SYT9: variants seen among roughly 807,000 people sequenced by gnomAD.
The protein encoded by SYT9 is synaptotagmin 9, also known as synaptotagmin-9.
Under a neutral mutation model 48.4 loss-of-function variants are expected in SYT9, and 22 were observed. The ratio of observed to expected loss-of-function variants is 0.45; its 90% CI spans 0.32 to 0.65. The LOEUF is 0.65. Among genes scored for constraint, SYT9 ranks in the 30% least tolerant of loss-of-function variants. The probability of loss-of-function intolerance (pLI) is 0.03; values close to 1 mark genes in which losing one functional copy is unlikely to be tolerated. For synonymous variants in SYT9, 265 were observed against 245.0 expected, an observed-to-expected ratio of 1.08 and a Z score of -0.76; for missense variants, 577 against 622.0, an observed-to-expected ratio of 0.93 and a Z score of 0.77.
At chr11:7,421,038 C>A (rs1228049609) in intron 6 of SYT9, among the ~76,000 whole-genome samples, 1 of 152,116 alleles carries the variant, frequency 6.6e-6, no homozygotes, top group Non-Finnish European at 1.5e-5. Context: ...CTGGCACCAA[C>A]CTGTGATTCT....
chr11:7,277,709 A>G (rs1376840536), intron 1 of SYT9, among the ~76,000 whole-genome samples: 2 of 152,196 alleles, frequency 1.3e-5, no homozygotes, highest in Non-Finnish European at 2.9e-5. Flanking sequence ...CTCAGCATGC[A>G]TGTAGGATCT....
chr11:7,277,011 G>A (rs1848409329), intron 1 of SYT9, among the ~76,000 whole-genome samples: 1 of 151,994 alleles, frequency 6.6e-6, no homozygotes, highest in African/African-American at 2.4e-5. Flanking sequence ...CCGAGATCGC[G>A]CCACTGCACT....
At chr11:7,423,621 G>A (rs781240985) in intron 6 of SYT9, among the ~76,000 whole-genome samples, 15 of 152,180 alleles carry the variant, frequency 9.9e-5, no homozygotes, top group Non-Finnish European at 1.8e-4. Context: ...TTCAGTTATA[G>A]TTGTTATTAT....
At chr11:7,271,729 A>G (rs369533642) in intron 1 of SYT9, among the ~76,000 whole-genome samples, 28 of 152,168 alleles carry the variant, frequency 1.8e-4, no homozygotes, top group African/African-American at 6.5e-4. Flanking sequence ...GGCACGTGCC[A>G]CCATACCTGA....
At chr11:7,349,856 C>T (rs1014386916) in intron 3 of SYT9, among the ~76,000 whole-genome samples, 3 of 152,184 alleles carry the variant, frequency 2.0e-5, no homozygotes, top group African/African-American at 7.2e-5. Context: ...ACTCAGTTTT[C>T]CCGATTATAC....
intron 6 of SYT9, chr11:7,461,283 G>C (rs571781642): frequency 6.6e-6 from 1 of 152,166 alleles, no homozygotes; most frequent in Admixed American, 6.5e-5. Context: ...CTTTTATTCT[G>C]TGTTCCTTCT....
At chr11:7,354,471 A>G (rs1386645725) in intron 3 of SYT9, among the ~76,000 whole-genome samples, 1 of 152,136 alleles carries the variant, frequency 6.6e-6, no homozygotes, top group Non-Finnish European at 1.5e-5. Context: ...TTGCCTCACA[A>G]ACAGGCCTGA....
intron 3 of SYT9, among the ~76,000 whole-genome samples, chr11:7,365,831 G>A (rs1850230120): frequency 6.6e-6 from 1 of 152,212 alleles, no homozygotes; most frequent in South Asian, 2.1e-4. Context: ...CGTATTTACT[G>A]TTGAAATGTA....
At position 7,252,462 on chromosome 11, in the gene SYT9, T is replaced by C; in HGVS notation, c.145+131T>C. ...GGGGGCGGCCACCGAGCCAGGAGAG[T>C]GATCAAGAACCAGCGCACTGTGGCC... is the stretch of plus-strand genomic sequence containing the variant. On this transcript the variant is annotated intron_variant, in intron 1 of 6. Coordinates refer to ENST00000318881, the MANE Select transcript of SYT9 (RefSeq NM_175733.4). This position sits in a 1 kb window ranked among gnomAD's most constrained non-coding sequence, Gnocchi z 6.3. 1 of 1,039,552 alleles carries C rather than the reference T, an allele frequency of 9.6e-7. No individual in the cohort carries two copies. Among genetic ancestry groups the C allele is most frequent in the South Asian group, 2.6e-5 (1 of 38,070 alleles). The allele number at this position is 1,039,552 out of a possible 1,614,324, so 64.4% of individuals were successfully genotyped here. A position where few individuals can be genotyped will look rare whatever the true frequency, so the allele number is the denominator to read the frequency against.
At chr11:7,463,133 C>G (rs1024332321) in intron 6 of SYT9, among the ~76,000 whole-genome samples, 10 of 152,206 alleles carry the variant, frequency 6.6e-5, no homozygotes, top group African/African-American at 2.4e-4. Context: ...ACCCCTGGTA[C>G]TGCCTGGGAG....
chr11:7,386,473 A>C (rs1180380253), intron 3 of SYT9, among the ~76,000 whole-genome samples: 1 of 152,054 alleles, frequency 6.6e-6, no homozygotes, highest in Non-Finnish European at 1.5e-5. Flanking sequence ...CAACCCCATC[A>C]AAAAGTGGGT....
At chr11:7,358,772 C>G (rs1850070604) in intron 3 of SYT9, among the ~76,000 whole-genome samples, 1 of 152,132 alleles carries the variant, frequency 6.6e-6, no homozygotes, top group African/African-American at 2.4e-5. Context: ...TCCTTGAATG[C>G]TGGTAATAAA....
At chr11:7,267,010 C>T (rs1437943709) in intron 1 of SYT9, among the ~76,000 whole-genome samples, 2 of 152,018 alleles carry the variant, frequency 1.3e-5, no homozygotes, top group Non-Finnish European at 2.9e-5. Flanking sequence ...TCCAAAACCT[C>T]ATGCTAATTA....
chr11:7,259,386 A>AT (rs957891008), intron 1 of SYT9, among the ~76,000 whole-genome samples: 5 of 150,888 alleles, frequency 3.3e-5, no homozygotes, highest in African/African-American at 4.9e-5. Context: ...CTAGCTTGTA[A>AT]TTTTTTTTTA....
intron 1 of SYT9, among the ~76,000 whole-genome samples, chr11:7,268,731 CTT>C (rs930280675): frequency 2.0e-5 from 3 of 151,936 alleles, no homozygotes; most frequent in Admixed American, 2.0e-4. Context: ...AAAAATATAA[CTT>C]TATCGAGACG....
chr11:7,319,354 T>C (rs956174764), intron 3 of SYT9, among the ~76,000 whole-genome samples: 1 of 151,968 alleles, frequency 6.6e-6, no homozygotes, highest in Non-Finnish European at 1.5e-5. Flanking sequence ...GGAATAACAA[T>C]TTGGGAGCAC....
intron 6 of SYT9, chr11:7,437,671 A>T (rs1253356122): frequency 1.3e-5 from 2 of 152,122 alleles, no homozygotes; most frequent in African/African-American, 4.8e-5. Context: ...TTGTCATCAC[A>T]TATTTTCACC....
upstream of SYT9, among the ~76,000 whole-genome samples, chr11:7,251,373 A>C (rs1847865305): frequency 6.6e-6 from 1 of 152,088 alleles, no homozygotes; most frequent in Non-Finnish European, 1.5e-5. Flanking sequence ...ATTTGATCTT[A>C]GTTCTGACCT....
intron 6 of SYT9, among the ~76,000 whole-genome samples, chr11:7,436,379 G>C (rs1242755840): frequency 1.3e-5 from 2 of 152,208 alleles, no homozygotes. Flanking sequence ...CTTGGAGGGA[G>C]GGAAAGTGGG....
Sources: gnomAD v4.1 joint callset for allele counts (sites outside exome capture counted in the v4.1 genomes callset) on GRCh38, gnomAD v4.1.1 for gene constraint, Gnocchi (gnomAD v3.1) non-coding constraint, MANE v1.5 for transcripts, NCBI Gene and HGNC (gene_info 2026-07-23, HGNC 2026-07-21) for gene names.